USH2A: variants seen among roughly 807,000 people sequenced by gnomAD.
The protein encoded by USH2A is usherin, also known as Usher syndrome 2A (autosomal recessive, mild).
USH2A carries 443 observed loss-of-function variants against 538.9 expected under a neutral mutation model. That is an observed-to-expected ratio of 0.82 (90% CI 0.76 to 0.89). The LOEUF is 0.89. Among genes scored for constraint, USH2A ranks in the 40% least tolerant of loss-of-function variants. The pLI is 0.00. For missense variants in USH2A, 6,633 were observed against 6,324.8 expected, an observed-to-expected ratio of 1.05 and a Z score of -1.65; for synonymous variants, 2,413 against 2,273.5, an observed-to-expected ratio of 1.06 and a Z score of -1.75.
chr1:216,340,119 G>T (rs2038048293), intron 4 of USH2A, among the ~76,000 whole-genome samples: 1 of 151,662 alleles, frequency 6.6e-6, no homozygotes, highest in Non-Finnish European at 1.5e-5. Context: ...GAAGAAAAGA[G>T]AGAAGAATCA....
intron 69 of USH2A, among the ~76,000 whole-genome samples, chr1:215,636,289 G>A (rs1656481969): frequency 6.6e-6 from 1 of 152,192 alleles, no homozygotes. Context: ...AACTATTAAA[G>A]GCAGGAACAG....
chr1:215,932,873 T>A (rs1399822368), intron 38 of USH2A, among the ~76,000 whole-genome samples: 2 of 152,054 alleles, frequency 1.3e-5, no homozygotes, highest in East Asian at 3.9e-4. Flanking sequence ...TCTTTCTATT[T>A]GTATAATATT....
intron 11 of USH2A, among the ~76,000 whole-genome samples, chr1:216,268,940 T>C (rs1213101415): frequency 6.6e-6 from 1 of 152,174 alleles, no homozygotes; most frequent in African/African-American, 2.4e-5. Context: ...TTTAACTTAG[T>C]AAATAAACTT....
chr1:215,673,917 G>A (rs1305839963), intron 63 of USH2A, among the ~76,000 whole-genome samples, 183 bp downstream of exon 63: 1 of 152,092 alleles, frequency 6.6e-6, no homozygotes, highest in East Asian at 1.9e-4. Flanking sequence ...CTCTCTGGAG[G>A]TTATGCAAGC....
At chr1:216,366,896 G>C (rs2038610786) in intron 3 of USH2A, among the ~76,000 whole-genome samples, 1 of 152,030 alleles carries the variant, frequency 6.6e-6, no homozygotes, top group Admixed American at 6.6e-5. Flanking sequence ...GCCTGTTACT[G>C]TCATTTGGTG....
chr1:216,054,917 G>A lies in USH2A; in HGVS notation c.6050-6270C>T, dbSNP rs535745031. Among the ~76,000 whole-genome samples the A allele has an allele frequency of 5.9e-5, 9 of 152,250 alleles. No individual in the cohort carries two copies. In the South Asian group the frequency reaches 6.2e-4, roughly 11 times the overall value. ...ATTTCCGTTGCACTTTTAGTCTGGCGGTGAAATCTGCATGCAGCAACTGTC... is the reference window on the plus strand; with the variant it reads ...ATTTCCGTTGCACTTTTAGTCTGGCAGTGAAATCTGCATGCAGCAACTGTC... On this transcript the variant is annotated intron_variant, in intron 30 of 71. Coordinates refer to ENST00000307340, the MANE Select transcript of USH2A (RefSeq NM_206933.4).
intron 37 of USH2A, among the ~76,000 whole-genome samples, chr1:215,938,006 G>T (rs1309195165): frequency 6.6e-6 from 1 of 151,930 alleles, no homozygotes; most frequent in Non-Finnish European, 1.5e-5. Context: ...TTCATTCTAA[G>T]CTTCCTAGAT....
At chr1:215,738,450 C>G (rs1660213499) in intron 60 of USH2A, among the ~76,000 whole-genome samples, 1 of 152,038 alleles carries the variant, frequency 6.6e-6, no homozygotes, top group East Asian at 1.9e-4. Context: ...TTTGTTCTTA[C>G]TAGGTTATTT....
rs1411825525 is a variant in USH2A at position 215,798,978 on chromosome 1, C to T, written c.9887G>A (p.Gly3296Asp). 2.5e-6 allele frequency: 4 copies of T among 1,614,138 alleles called. No individual in the cohort carries two copies. The East Asian group carries it at 6.7e-5, about 27-fold the overall frequency. The change falls in exon 50 of 72, where the codon GGC (glycine) becomes GAC (aspartate). Residue 3296 changes from glycine (G) to aspartate (D), a missense_variant. Coordinates refer to ENST00000307340, the MANE Select transcript of USH2A (RefSeq NM_206933.4). ...TAAATCGTTGCTCACAATCTGTCTGCCACAGCACTTCTGGCCATGGCCATC... is the reference window on the plus strand; with the variant it reads ...TAAATCGTTGCTCACAATCTGTCTGTCACAGCACTTCTGGCCATGGCCATC... ...LHDGHGQKCC[G>D]RQIVSNDLEC...
intron 9 of USH2A, among the ~76,000 whole-genome samples, chr1:216,301,966 G>C (rs1031658144): frequency 2.0e-5 from 3 of 152,082 alleles, no homozygotes; most frequent in African/African-American, 7.2e-5. Flanking sequence ...TAATTCAAAG[G>C]ATCCAGTTTC....
chr1:215,767,907 T>A (rs182349901), intron 55 of USH2A, among the ~76,000 whole-genome samples: 403 of 152,262 alleles, frequency 2.6e-3, no homozygotes, highest in Non-Finnish European at 4.4e-3. Flanking sequence ...AAGCTCTCTT[T>A]GAGAAAAAAA....
At chr1:216,241,373 T>C (rs561632072) in intron 13 of USH2A, among the ~76,000 whole-genome samples, 11 of 152,298 alleles carry the variant, frequency 7.2e-5, no homozygotes, top group African/African-American at 2.6e-4. Flanking sequence ...ATTTGGTTTT[T>C]TAAATTATGC....
intron 23 of USH2A, among the ~76,000 whole-genome samples, chr1:216,087,884 T>C (rs986553567): frequency 6.6e-6 from 1 of 152,148 alleles, no homozygotes; most frequent in Non-Finnish European, 1.5e-5. Flanking sequence ...TAAAATTTAT[T>C]CTCAACAGAG....
chr1:216,102,209 C>T (rs78276326), intron 21 of USH2A, among the ~76,000 whole-genome samples: 6,121 of 151,466 alleles, frequency 0.04, 180 homozygotes, highest in South Asian at 0.15. Flanking sequence ...AAAAGATGGT[C>T]GGTATCATTA....
At chr1:215,783,569 C>T (rs575720669) in intron 52 of USH2A, among the ~76,000 whole-genome samples, 1 of 152,284 alleles carries the variant, frequency 6.6e-6, no homozygotes, top group South Asian at 2.1e-4. Context: ...GCTTTCCAAA[C>T]TGGCAAAAAT....
intron 9 of USH2A, among the ~76,000 whole-genome samples, chr1:216,315,345 C>T (rs891893340): frequency 4.6e-5 from 7 of 152,098 alleles, no homozygotes; most frequent in East Asian, 1.9e-4. Context: ...AGCCTATGTA[C>T]GAAAATATTA....
At chr1:215,913,604 A>T (rs1256584690) in intron 38 of USH2A, among the ~76,000 whole-genome samples, 2 of 152,146 alleles carry the variant, frequency 1.3e-5, no homozygotes, top group African/African-American at 4.8e-5. Flanking sequence ...TTTTAAGCAC[A>T]GAAACTACAA....
At chr1:216,027,336 G>A (rs1453103100) in intron 32 of USH2A, among the ~76,000 whole-genome samples, 1 of 152,088 alleles carries the variant, frequency 6.6e-6, no homozygotes, top group African/African-American at 2.4e-5. Flanking sequence ...AAGGAGAGAG[G>A]CCTCAGAGGA....
chr1:215,803,026 A>G (rs552171644), intron 49 of USH2A, among the ~76,000 whole-genome samples: 1 of 152,344 alleles, frequency 6.6e-6, no homozygotes, highest in African/African-American at 2.4e-5. Context: ...AACCAGCGAC[A>G]AAAACCACAT....
Sources: gnomAD v4.1 joint callset for allele counts (sites outside exome capture counted in the v4.1 genomes callset) on GRCh38, gnomAD v4.1.1 for gene constraint, MANE v1.5 for transcripts, NCBI Gene and HGNC (gene_info 2026-07-23, HGNC 2026-07-21) for gene names.